SOS2: variants seen among roughly 807,000 people sequenced by gnomAD.
SOS2 encodes the protein SOS Ras/Rho guanine nucleotide exchange factor 2.
A neutral mutation model predicts 148.2 loss-of-function variants in SOS2; 65 were observed. The observed-to-expected ratio is 0.44, with a 90% CI of 0.36 to 0.54. SOS2 has a LOEUF of 0.54. Among genes scored for constraint, SOS2 ranks in the 20% least tolerant of loss-of-function variants. The probability of loss-of-function intolerance (pLI) is 0.00; values close to 1 mark genes in which losing one functional copy is unlikely to be tolerated. For synonymous variants in SOS2, 539 were observed against 537.1 expected (o/e 1.00, Z -0.05); for missense variants, 1,341 against 1,590.2 (o/e 0.84, Z 2.67).
At position 50,157,001 on chromosome 14, in the gene SOS2, A is replaced by G; in HGVS notation, c.2055T>C (p.Leu685=). ...FRKEYVQPVQ[L]RILNVFRHWV... ...TATAAAAAATATTCAAGCCAAACCT[A>G]AGTTGTACTGGTTGGACATATTCCT... Residue 685 remains leucine (L), a splice_region_variant and synonymous_variant, in exon 12 of 23, where the codon CTT becomes CTC. Coordinates refer to ENST00000216373, the MANE Select transcript of SOS2 (RefSeq NM_006939.4). 2 of 1,576,022 alleles carry G rather than the reference A, an allele frequency of 1.3e-6. No individual in the cohort carries two copies. Among genetic ancestry groups the G allele is most frequent in the Non-Finnish European group, 1.7e-6 (2 of 1,156,272 alleles).
At chr14:50,134,318 A>G in intron 18 of SOS2, 79 bp from the exon 19 acceptor site, 3 of 711,680 alleles carry the variant, frequency 4.2e-6, no homozygotes, top group Non-Finnish European at 7.1e-6. Context: ...TCTCATTAAA[A>G]TTTTTTGCTG....
intron 2 of SOS2, among the ~76,000 whole-genome samples, 193 bp downstream of exon 2, chr14:50,204,091 G>A (rs1232143585): frequency 6.8e-6 from 1 of 146,784 alleles, no homozygotes; most frequent in African/African-American, 2.5e-5. Context: ...GTTGTTCTAA[G>A]TTTTTTTTTT....
Position 50,158,644 on chromosome 14 carries a change from G to T in SOS2, c.1855C>A (p.Pro619Thr). 3 of 1,593,948 alleles carry T rather than the reference G, an allele frequency of 1.9e-6. No homozygotes were observed. The highest frequency in any genetic ancestry group is 2.6e-6 in the Non-Finnish European group (3 of 1,165,748). ...GTAAGAAAAGTACGAACAAAATTGG[G>T]ATCTGAAAAGGCAGAGCATAAAATA... ...ERLTYHMYAD[P>T]NFVRTFLTTY... Residue 619 changes from proline (P) to threonine (T), a missense_variant and splice_region_variant, in exon 11 of 23, where the codon CCC becomes ACC. Around this residue, in one of 4 missense-constraint regions of SOS2, gnomAD observed 408 missense variants for 506.6 expected, o/e 0.81. Coordinates refer to ENST00000216373, the MANE Select transcript of SOS2 (RefSeq NM_006939.4).
At chr14:50,139,203 T>C (rs1023897459) in intron 17 of SOS2, among the ~76,000 whole-genome samples, 8 of 152,226 alleles carry the variant, frequency 5.3e-5, no homozygotes, top group Non-Finnish European at 1.2e-4. Flanking sequence ...AATAAGTCTA[T>C]AGGCTTATAA....
At chr14:50,193,748 C>T (rs80060124) in intron 4 of SOS2, among the ~76,000 whole-genome samples, 2 of 151,322 alleles carry the variant, frequency 1.3e-5, no homozygotes, top group South Asian at 2.1e-4. Flanking sequence ...ATCAAGTCAT[C>T]GGGATTTTTT....
chr14:50,213,738 T>C (rs1440414894), intron 1 of SOS2, among the ~76,000 whole-genome samples: 1 of 149,756 alleles, frequency 6.7e-6, no homozygotes, highest in East Asian at 2.0e-4. Context: ...TGAATATTAA[T>C]CCAACTCAAA....
At chr14:50,199,961 A>T in intron 3 of SOS2, 106 bp from the exon 4 acceptor site, 1 of 671,202 alleles carries the variant, frequency 1.5e-6, no homozygotes, top group Non-Finnish European at 2.5e-6. Context: ...TTTTCTATTA[A>T]CTACATGTCT....
At position 50,117,397 on chromosome 14, in the gene SOS2, T is replaced by A. The variant is rs151328040; in HGVS notation, c.*947A>T. On this transcript the variant is annotated 3_prime_UTR_variant, in exon 23 of 23. Coordinates refer to ENST00000216373, the MANE Select transcript of SOS2 (RefSeq NM_006939.4). ...ATATTACCAATCTAAAAAATATATT[T>A]AAAAAAAATTTCAGTTAACACGAGA... 2.5e-4 allele frequency: 38 copies of A among 152,248 alleles called. No homozygotes were observed. In the East Asian group the frequency reaches 6.2e-3, roughly 25 times the overall value. 9.4% of individuals were successfully genotyped at this position (152,248 alleles called of 1,614,324 possible). A position where few individuals can be genotyped will look rare whatever the true frequency, so the allele number is the denominator to read the frequency against.
rs151056672 is a variant in SOS2, at chr14:50,202,087, C to T, written c.214-1003G>A. Among the ~76,000 whole-genome samples the T allele has an allele frequency of 2.4e-3, 369 of 152,250 alleles. 2 individuals are homozygous for T. The Middle Eastern group carries it at 0.061, about 25-fold the overall frequency. ...CAATGATCCTCCCACCTCAGCATCC[C>T]GAGTAGCTGGGACTACAAGCACATA... On this transcript the variant is annotated intron_variant, in intron 2 of 22. Transcript: ENST00000216373.
At position 50,118,316 on chromosome 14, in the gene SOS2, C is replaced by T. The variant is rs1405993468; in HGVS notation, c.*28G>A. 3 of 1,544,322 alleles carry T rather than the reference C, an allele frequency of 1.9e-6. No homozygotes were observed. Among genetic ancestry groups the T allele is most frequent in the Admixed American group, 2.0e-5 (1 of 51,132 alleles). On this transcript the variant is annotated 3_prime_UTR_variant, in exon 23 of 23. Coordinates refer to ENST00000216373, the MANE Select transcript of SOS2 (RefSeq NM_006939.4). Reference sequence around the variant, plus strand: ...AAAAAAAACTTTACAAATACCATTCCAGTGTCAATGACTACATATGGCTAA... The same window carrying T: ...AAAAAAAACTTTACAAATACCATTCTAGTGTCAATGACTACATATGGCTAA...
At chr14:50,134,904 T>C (rs1278016157) in intron 18 of SOS2, among the ~76,000 whole-genome samples, 3 of 150,992 alleles carry the variant, frequency 2.0e-5, no homozygotes, top group Non-Finnish European at 3.0e-5. Flanking sequence ...AGAAACCCCA[T>C]CTCTACTAAA....
At chr14:50,146,134 C>CAAA (rs775495958) in intron 14 of SOS2, among the ~76,000 whole-genome samples, 1 of 85,210 alleles carries the variant, frequency 1.2e-5, no homozygotes, top group Non-Finnish European at 2.5e-5. Flanking sequence ...GCTCTGTCTC[C>CAAA]AAAAAAAAAA....
intron 1 of SOS2, chr14:50,230,801 G>T: frequency 1.4e-6 from 1 of 707,034 alleles, no homozygotes; most frequent in Non-Finnish European, 1.7e-6. Flanking sequence ...CGCCTAGGGG[G>T]AACACTCCCA....
At chr14:50,189,330 G>GAAAAAAAAAAAA (rs1566472509) in intron 4 of SOS2, among the ~76,000 whole-genome samples, 1 of 3,604 alleles carries the variant, frequency 2.8e-4, no homozygotes. Context: ...ACACATAATA[G>GAAAAAAAAAAAA]CAAAAAAAAA....
intron 13 of SOS2, among the ~76,000 whole-genome samples, chr14:50,152,743 T>A (rs1188861723): frequency 6.6e-6 from 1 of 152,104 alleles, no homozygotes; most frequent in Non-Finnish European, 1.5e-5. Flanking sequence ...TCATCTGAGG[T>A]CAGGAGTTCA....
chr14:50,161,671 G>A, intron 8 of SOS2, 62 bp from the exon 9 acceptor site: 2 of 1,484,894 alleles, frequency 1.3e-6, no homozygotes, highest in South Asian at 2.4e-5. Flanking sequence ...CAACTTTCTA[G>A]TAATAGAAAA....
At chr14:50,210,779 T>C (rs1450228190) in intron 1 of SOS2, among the ~76,000 whole-genome samples, 3 of 152,052 alleles carry the variant, frequency 2.0e-5, no homozygotes, top group Non-Finnish European at 4.4e-5. Flanking sequence ...ATAGCCTATA[T>C]ATATATTAAA....
chr14:50,153,150 C>G lies in SOS2; in HGVS notation c.2081G>C (p.Trp694Ser). ...QLRILNVFRH[W>S]VEHHFYDFER... ...AAAGTCATAAAAATGATGTTCAACC[C>G]AATGCCGAAATACATTTAAGATCCT... The change falls in exon 13 of 23, where the codon TGG (tryptophan) becomes TCG (serine). Residue 694 changes from tryptophan (W) to serine (S), a missense_variant. By Grantham distance (177) the Trp-to-Ser change is radical. Coordinates refer to ENST00000216373, the MANE Select transcript of SOS2 (RefSeq NM_006939.4). 1 of 1,601,312 alleles carries G rather than the reference C, an allele frequency of 6.2e-7. No individual in the cohort carries two copies. The highest frequency in any genetic ancestry group is 8.5e-7 in the Non-Finnish European group (1 of 1,170,170).
chr14:50,218,910 C>G (rs1258144521), intron 1 of SOS2, among the ~76,000 whole-genome samples: 1 of 151,884 alleles, frequency 6.6e-6, no homozygotes, highest in Non-Finnish European at 1.5e-5. Flanking sequence ...GTCAAGAGAT[C>G]GAGACCATCC....
Sources: gnomAD v4.1 joint callset for allele counts (sites outside exome capture counted in the v4.1 genomes callset) on GRCh38, gnomAD v4.1.1 for gene constraint, gnomAD v4.1.1 regional missense constraint, MANE v1.5 for transcripts, NCBI Gene and HGNC (gene_info 2026-07-23, HGNC 2026-07-21) for gene names.